Variants in C12orf56 observed in about 807,000 individuals in gnomAD.
The protein encoded by C12orf56 is uncharacterized protein C12orf56.
Under a neutral mutation model 69.9 loss-of-function variants are expected in C12orf56, and 71 were observed. That is an observed-to-expected ratio of 1.02 (90% CI 0.84 to 1.24). The LOEUF (loss-of-function observed/expected upper bound fraction) is 1.24. Ranked by LOEUF, C12orf56 falls within the 50% of genes most tolerant of loss-of-function variation. The probability of loss-of-function intolerance (pLI) is 0.00; values close to 1 mark genes in which losing one functional copy is unlikely to be tolerated. For missense variants in C12orf56, 732 were observed against 738.5 expected, an observed-to-expected ratio of 0.99 and a Z score of 0.10; for synonymous variants, 276 against 274.1, an observed-to-expected ratio of 1.01 and a Z score of -0.07.
rs183458586 is a variant in C12orf56, at chr12:64,309,749, G to T, written c.968+2930C>A. On this transcript the variant is annotated intron_variant, in intron 5 of 12. Transcript: ENST00000543942. ...TGGTCTCAAACTCCTGGCCTCAAGT[G>T]ATCCTCCCTCCTCGGCCTCCCAAAG... Among the ~76,000 whole-genome samples the T allele has an allele frequency of 1.6e-3, 246 of 152,286 alleles. 2 individuals carry two copies. Among genetic ancestry groups the T allele is most frequent in the Admixed American group, 3.4e-3 (52 of 15,282 alleles).
chr12:64,297,380 C>G (rs1013845145), intron 6 of C12orf56, among the ~76,000 whole-genome samples: 4 of 114,616 alleles, frequency 3.5e-5, no homozygotes, highest in Non-Finnish European at 7.9e-5. Flanking sequence ...GAGAGACTAC[C>G]CATTTACTTT....
At chr12:64,299,265 T>C (rs1449508276) in intron 6 of C12orf56, among the ~76,000 whole-genome samples, 1 of 152,194 alleles carries the variant, frequency 6.6e-6, no homozygotes, top group Non-Finnish European at 1.5e-5. Context: ...GTTGCTTTGA[T>C]AAGCTTAAGG....
At chr12:64,305,534 A>T (rs2038499750) in intron 5 of C12orf56, among the ~76,000 whole-genome samples, 1 of 152,098 alleles carries the variant, frequency 6.6e-6, no homozygotes. Context: ...GGCGAGCACC[A>T]CCATACCCAG....
At chr12:64,353,961 G>A (rs1356896775) in intron 1 of C12orf56, among the ~76,000 whole-genome samples, 3 of 152,316 alleles carry the variant, frequency 2.0e-5, no homozygotes, top group East Asian at 1.9e-4. Context: ...GATTATAGGC[G>A]TGAGCCACCG....
chr12:64,269,611 C>T (rs567293007), intron 12 of C12orf56, among the ~76,000 whole-genome samples: 20 of 149,914 alleles, frequency 1.3e-4, no homozygotes, highest in African/African-American at 4.2e-4. Context: ...TTTTTTGAGG[C>T]GGAATATCCC....
At chr12:64,269,509 T>G (rs571530668) in intron 12 of C12orf56, among the ~76,000 whole-genome samples, 44 of 152,290 alleles carry the variant, frequency 2.9e-4, no homozygotes, top group African/African-American at 1.1e-3. Flanking sequence ...TAATTGTTAC[T>G]CCTTTATCAA....
At chr12:64,327,898 A>G (rs2038864360) in intron 3 of C12orf56, among the ~76,000 whole-genome samples, 1 of 152,208 alleles carries the variant, frequency 6.6e-6, no homozygotes, top group Non-Finnish European at 1.5e-5. Context: ...AATATTAGGT[A>G]CTGCAGCCAT....
At chr12:64,321,708 G>A (rs2136844345) in intron 3 of C12orf56, among the ~76,000 whole-genome samples, 1 of 152,264 alleles carries the variant, frequency 6.6e-6, no homozygotes, top group East Asian at 1.9e-4. Flanking sequence ...GGTGAATACA[G>A]TAAAAGCTGT....
chr12:64,344,864 C>T (rs150038412), intron 2 of C12orf56, among the ~76,000 whole-genome samples: 208 of 152,260 alleles, frequency 1.4e-3, no homozygotes, highest in Admixed American at 2.5e-3. Flanking sequence ...GAGGCATTTC[C>T]GGCTCACTCA....
rs1218105667 is a variant in C12orf56 at position 64,265,764 on chromosome 12, G to A, written c.*1419C>T. ...TCCCTCAAGTCATAATAAGTTGAAT[G>A]GAGAGTCCAGTTCCTATGTTCTTAG... On this transcript the variant is annotated 3_prime_UTR_variant, in exon 13 of 13. Coordinates refer to ENST00000543942, the MANE Select transcript of C12orf56 (RefSeq NM_001170633.2). 1 of 152,256 alleles carries A rather than the reference G, an allele frequency of 6.6e-6. No individual in the cohort carries two copies. Among genetic ancestry groups the A allele is most frequent in the Non-Finnish European group, 1.5e-5 (1 of 68,054 alleles). The allele number at this position is 152,256 out of a possible 1,614,324, so 9.4% of individuals were successfully genotyped here. A position where few individuals can be genotyped will look rare whatever the true frequency, so the allele number is the denominator to read the frequency against.
At chr12:64,297,198 T>A (rs911479344) in intron 6 of C12orf56, among the ~76,000 whole-genome samples, 1 of 152,062 alleles carries the variant, frequency 6.6e-6, no homozygotes, top group Non-Finnish European at 1.5e-5. Context: ...AATAAAAAAA[T>A]CTTAAAGGAT....
intron 2 of C12orf56, among the ~76,000 whole-genome samples, chr12:64,352,112 T>G (rs113596952): frequency 0.012 from 1,372 of 114,668 alleles, 19 homozygotes; most frequent in East Asian, 0.056. Context: ...TTTTTTTTTT[T>G]TTTGTTTTTT....
intron 5 of C12orf56, among the ~76,000 whole-genome samples, chr12:64,305,372 GT>G (rs1358352962): frequency 2.0e-5 from 3 of 151,860 alleles, no homozygotes; most frequent in African/African-American, 7.3e-5. Context: ...AATGTGCTGG[GT>G]TTTTTGTTTG....
At chr12:64,327,072 C>T (rs1174449015) in intron 3 of C12orf56, among the ~76,000 whole-genome samples, 2 of 152,210 alleles carry the variant, frequency 1.3e-5, no homozygotes, top group Admixed American at 6.5e-5. Context: ...GTGCTCTTGC[C>T]ATGTGATGTC....
chr12:64,313,266 A>AGAAAG, intron 4 of C12orf56, among the ~76,000 whole-genome samples: 1 of 32,246 alleles, frequency 3.1e-5, no homozygotes, highest in Non-Finnish European at 6.4e-5. Flanking sequence ...TGTCTCAAAA[A>AGAAAG]AAAAAAAAAA....
chr12:64,308,943 G>GAAAGAAAAA (rs1565748981), intron 5 of C12orf56, among the ~76,000 whole-genome samples: 3 of 33,464 alleles, frequency 9.0e-5, no homozygotes, highest in African/African-American at 2.7e-4. Flanking sequence ...AAAGAAAGAA[G>GAAAGAAAAA]AAAGAAAGAA....
intron 1 of C12orf56, among the ~76,000 whole-genome samples, chr12:64,365,796 T>A (rs954975910): frequency 1.4e-5 from 2 of 141,208 alleles, no homozygotes; most frequent in Non-Finnish European, 3.0e-5. Flanking sequence ...ATAATGTATA[T>A]ATTATGTATA....
chr12:64,279,288 C>T (rs1407981715), intron 8 of C12orf56, among the ~76,000 whole-genome samples: 1 of 152,134 alleles, frequency 6.6e-6, no homozygotes, highest in Non-Finnish European at 1.5e-5. Flanking sequence ...ATGTGGGGTA[C>T]CGTCCATTGA....
At chr12:64,350,209 A>G (rs973728548) in intron 2 of C12orf56, among the ~76,000 whole-genome samples, 11 of 152,034 alleles carry the variant, frequency 7.2e-5, no homozygotes, top group Admixed American at 2.0e-4. Context: ...TGCTTGGGTG[A>G]TGGGTGCACC....
Sources: gnomAD v4.1 joint callset for allele counts (sites outside exome capture counted in the v4.1 genomes callset) on GRCh38, gnomAD v4.1.1 for gene constraint, MANE v1.5 for transcripts, NCBI Gene and HGNC (gene_info 2026-07-23, HGNC 2026-07-21) for gene names.